The following SLC38A6 variants were observed in gnomAD, a reference collection of about 807,000 sequenced individuals.
SLC38A6 encodes the protein N system amino acid transporter NAT-1.
SLC38A6 carries 73 observed loss-of-function variants against 65.0 expected under a neutral mutation model. That is an observed-to-expected ratio of 1.12 (90% CI 0.93 to 1.37). SLC38A6 has a LOEUF of 1.37. SLC38A6 is among the 40% of genes most tolerant of loss of function. The pLI is 0.00. For missense variants in SLC38A6, 561 were observed against 531.1 expected, an observed-to-expected ratio of 1.06 and a Z score of -0.55; for synonymous variants, 183 against 178.8, an observed-to-expected ratio of 1.02 and a Z score of -0.19.
chr14:61,058,014 T>G, intron 15 of SLC38A6, among the ~76,000 whole-genome samples: 1 of 139,102 alleles, frequency 7.2e-6, no homozygotes, highest in Non-Finnish European at 1.6e-5. Flanking sequence ...TCTCTCTTTT[T>G]TTCTTTATTA....
intron 8 of SLC38A6, among the ~76,000 whole-genome samples, chr14:61,041,928 G>A (rs1036386791): frequency 6.6e-6 from 1 of 151,882 alleles, no homozygotes; most frequent in Non-Finnish European, 1.5e-5. Flanking sequence ...AACTGAATTT[G>A]GAGCAGTTTC....
At position 61,015,916 on chromosome 14, in the gene SLC38A6, A is replaced by T. The variant is rs181093232; in HGVS notation, c.323A>T (p.Tyr108Phe). ...TTTCTCTTAACAGCTGTAACATCTTATGAAGATCTTGGACTCTTTGCATTT... is the reference window on the plus strand; with the variant it reads ...TTTCTCTTAACAGCTGTAACATCTTTTGAAGATCTTGGACTCTTTGCATTT... ...SMCIQTAVTS[Y>F]EDLGLFAFGL... is the part of the protein sequence containing the mutation. The change falls in exon 4 of 16, where the codon TAT (tyrosine) becomes TTT (phenylalanine). Residue 108 changes from tyrosine (Y) to phenylalanine (F), a missense_variant. Physicochemically the swap from Tyr to Phe is conservative, Grantham distance 22 (BLOSUM62 3). Coordinates refer to ENST00000267488, the MANE Select transcript of SLC38A6 (RefSeq NM_153811.3). 2.0e-4 allele frequency: 319 copies of T among 1,608,276 alleles called. 1 individual carries two copies. The East Asian group carries it at 5.9e-3, about 30-fold the overall frequency.
chr14:61,043,165 T>G lies in SLC38A6; in HGVS notation c.643T>G (p.Ser215Ala), dbSNP rs1238830439. 6.5e-7 allele frequency: 1 copy of G among 1,539,092 alleles called. No individual in the cohort carries two copies. Among genetic ancestry groups the G allele is most frequent in the Non-Finnish European group, 8.9e-7 (1 of 1,127,118 alleles). Residue 215 changes from serine to alanine, a missense_variant, in exon 9 of 16, where the codon TCC (serine) becomes GCC (alanine). By Grantham distance (99) the Ser-to-Ala change is moderately conservative. Coordinates refer to ENST00000267488, the MANE Select transcript of SLC38A6 (RefSeq NM_153811.3). The part of the protein sequence containing the change: ...FALVVIIKKW[S>A]IPCPLTLNYV... ...TTTTTAGGTAATAATTAAAAAATGG[T>G]CCATCCCTTGTCCTCTGACATTAAA... is the stretch of plus-strand genomic sequence containing the variant.
rs781597764 is a variant in SLC38A6 at position 61,052,074 on chromosome 14, TC to T, written c.1232del (p.Pro411GlnfsTer36). 1 of 1,588,862 alleles carries T rather than the reference TC, an allele frequency of 6.3e-7. No individual in the cohort carries two copies. Among genetic ancestry groups the T allele is most frequent in the Non-Finnish European group, 8.5e-7 (1 of 1,174,044 alleles). ...ACATCAACATGTTTGATTTTTATAT[TC>T]CCAGGACTATTTTATCTTAAACTTA... is the stretch of plus-strand genomic sequence containing the variant. ...ASTSTCLIFI[F>X]PGLFYLKLSR... On this transcript the variant is annotated frameshift_variant, in exon 15 of 16. Transcript: ENST00000267488. LOFTEE classifies it high-confidence loss of function.
chr14:61,078,938 C>G (rs927898584), intron 16 of SLC38A6: 1 of 161,652 alleles, frequency 6.2e-6, no homozygotes, highest in Non-Finnish European at 1.3e-5. Flanking sequence ...GTATGCGCCA[C>G]CATGCCCAGC....
At chr14:61,003,200 A>G (rs369925908) in intron 3 of SLC38A6, among the ~76,000 whole-genome samples, 7 of 152,246 alleles carry the variant, frequency 4.6e-5, no homozygotes, top group South Asian at 2.1e-4. Context: ...ATTATAGACT[A>G]TTGGAAACCG....
intron 3 of SLC38A6, among the ~76,000 whole-genome samples, chr14:61,007,267 T>C (rs1301184057): frequency 6.6e-6 from 1 of 152,014 alleles, no homozygotes. Context: ...GGCACATGTA[T>C]ACATATGTAT....
chr14:61,073,630 C>A (rs1224302861), intron 15 of SLC38A6, among the ~76,000 whole-genome samples: 6 of 152,072 alleles, frequency 3.9e-5, no homozygotes, highest in African/African-American at 1.2e-4. Context: ...TCTTTACCAT[C>A]TTTTTATGAT....
chr14:61,080,508 C>A (rs1339676079), intron 16 of SLC38A6, among the ~76,000 whole-genome samples: 23 of 152,208 alleles, frequency 1.5e-4, no homozygotes, highest in Admixed American at 1.5e-3. Flanking sequence ...TTGGTTCTTA[C>A]CAACTGCAGC....
intron 15 of SLC38A6, among the ~76,000 whole-genome samples, chr14:61,069,652 C>T (rs1412997312): frequency 2.0e-5 from 3 of 152,188 alleles, no homozygotes; most frequent in Non-Finnish European, 4.4e-5. Flanking sequence ...TTATTCTCCA[C>T]TCTAGTCTAC....
intron 5 of SLC38A6, among the ~76,000 whole-genome samples, chr14:61,026,666 T>G (rs1481984012): frequency 6.6e-6 from 1 of 151,878 alleles, no homozygotes; most frequent in East Asian, 1.9e-4. Context: ...TTGGTTTACT[T>G]TTTCACTTTG....
intron 10 of SLC38A6, 120 bp downstream of exon 10, chr14:61,043,623 CT>C (rs2041947500): frequency 4.8e-6 from 3 of 626,700 alleles, no homozygotes; most frequent in Non-Finnish European, 7.9e-6. Flanking sequence ...CATGAAAGTG[CT>C]AAGTATAGGA....
chr14:61,013,888 G>C (rs925066644), intron 3 of SLC38A6, among the ~76,000 whole-genome samples: 2 of 152,110 alleles, frequency 1.3e-5, no homozygotes, highest in East Asian at 3.9e-4. Flanking sequence ...CGTGGAGTAT[G>C]TTAGTGGCGT....
At chr14:60,995,331 TG>T (rs1371082691) in intron 3 of SLC38A6, among the ~76,000 whole-genome samples, 1 of 152,138 alleles carries the variant, frequency 6.6e-6, no homozygotes, top group Non-Finnish European at 1.5e-5. Context: ...TGCATAGACA[TG>T]GAGAACATTA....
chr14:61,010,764 C>T (rs1393126538), intron 3 of SLC38A6, among the ~76,000 whole-genome samples: 2 of 152,228 alleles, frequency 1.3e-5, no homozygotes, highest in South Asian at 2.1e-4. Flanking sequence ...GTACCAGTAC[C>T]GTGCTGTTTT....
chr14:61,038,747 T>A (rs1362904315), intron 8 of SLC38A6, among the ~76,000 whole-genome samples: 1 of 152,212 alleles, frequency 6.6e-6, no homozygotes, highest in African/African-American at 2.4e-5. Context: ...AAGCATTTAT[T>A]CTCTATTGAA....
At chr14:60,998,540 C>G (rs1356739530) in intron 3 of SLC38A6, among the ~76,000 whole-genome samples, 2 of 152,178 alleles carry the variant, frequency 1.3e-5, no homozygotes, top group African/African-American at 4.8e-5. Context: ...TCACCTAATA[C>G]AATTCCCACA....
intron 15 of SLC38A6, among the ~76,000 whole-genome samples, chr14:61,075,822 T>C (rs887572656): frequency 6.7e-6 from 1 of 150,260 alleles, no homozygotes; most frequent in Non-Finnish European, 1.5e-5. Flanking sequence ...TGTGTGTGTG[T>C]GTGTGTGTGT....
intron 3 of SLC38A6, among the ~76,000 whole-genome samples, chr14:60,994,603 C>T (rs934304549): frequency 2.0e-5 from 3 of 151,714 alleles, no homozygotes; most frequent in Non-Finnish European, 4.4e-5. Context: ...AGTTGGGAGG[C>T]TGAAGCAGGA....
Sources: gnomAD v4.1 joint callset for allele counts (sites outside exome capture counted in the v4.1 genomes callset) on GRCh38, gnomAD v4.1.1 for gene constraint, MANE v1.5 for transcripts, NCBI Gene and HGNC (gene_info 2026-07-23, HGNC 2026-07-21) for gene names.